LRRC4C: variants seen among roughly 807,000 people sequenced by gnomAD.
LRRC4C encodes leucine-rich repeat-containing protein 4C.
LRRC4C carries 5 observed loss-of-function variants against 33.6 expected under a neutral mutation model. That is an observed-to-expected ratio of 0.15 (90% CI 0.08 to 0.31). LRRC4C has a LOEUF of 0.31. LRRC4C is among the 10% of genes least tolerant of loss of function. The probability of loss-of-function intolerance (pLI) is 1.00; values close to 1 mark genes in which losing one functional copy is unlikely to be tolerated. For synonymous variants in LRRC4C, 329 were observed against 302.0 expected (o/e 1.09, Z -0.93); for missense variants, 560 against 796.7 (o/e 0.70, Z 3.58).
At chr11:41,376,665 T>C (rs1952946207) in intron 1 of LRRC4C, among the ~76,000 whole-genome samples, 1 of 152,158 alleles carries the variant, frequency 6.6e-6, no homozygotes, top group South Asian at 2.1e-4. Flanking sequence ...ATGTTTAAGA[T>C]GTAGATACTG....
intron 1 of LRRC4C, among the ~76,000 whole-genome samples, chr11:41,438,453 G>A (rs936608044): frequency 9.2e-5 from 14 of 152,162 alleles, no homozygotes; most frequent in African/African-American, 3.4e-4. Context: ...TGACCTTGTA[G>A]AAAGTCCTAG....
chr11:41,414,828 A>T (rs939243725), intron 1 of LRRC4C, among the ~76,000 whole-genome samples: 9 of 152,080 alleles, frequency 5.9e-5, no homozygotes, highest in African/African-American at 2.2e-4. Flanking sequence ...GTACTCTAAA[A>T]AAAGAAAAAG....
At chr11:40,116,461 C>A in intron 6 of LRRC4C, 127 bp from the exon 7 acceptor site, 2 of 975,224 alleles carry the variant, frequency 2.1e-6, no homozygotes, top group Non-Finnish European at 1.5e-6. Flanking sequence ...AAAAACAAAT[C>A]TAATATCCTT....
chr11:41,027,055 G>A (rs907184173), intron 1 of LRRC4C, among the ~76,000 whole-genome samples: 3 of 151,448 alleles, frequency 2.0e-5, no homozygotes, highest in Admixed American at 1.3e-4. Context: ...GCACATGAAG[G>A]CACTCAGTAA....
At chr11:40,117,713 G>A (rs1010277684) in intron 6 of LRRC4C, among the ~76,000 whole-genome samples, 3 of 151,618 alleles carry the variant, frequency 2.0e-5, no homozygotes, top group African/African-American at 7.3e-5. Context: ...AAAAAGGGGA[G>A]GGGGGCCAGT....
chr11:40,780,086 T>C (rs1457141447), intron 2 of LRRC4C, among the ~76,000 whole-genome samples: 1 of 152,164 alleles, frequency 6.6e-6, no homozygotes, highest in Non-Finnish European at 1.5e-5. Flanking sequence ...GCCTACAATC[T>C]AGTTCTAGTA....
At chr11:41,193,686 T>C (rs956078017) in intron 1 of LRRC4C, among the ~76,000 whole-genome samples, 1 of 152,048 alleles carries the variant, frequency 6.6e-6, no homozygotes, top group Non-Finnish European at 1.5e-5. Flanking sequence ...GACATCTTAA[T>C]GGAGATGAGT....
chr11:41,055,962 A>G (rs1029661350), intron 1 of LRRC4C, among the ~76,000 whole-genome samples: 4 of 152,198 alleles, frequency 2.6e-5, no homozygotes, highest in Non-Finnish European at 5.9e-5. Context: ...CTTTTAATGC[A>G]TATTTTCTTT....
At chr11:40,889,257 T>C (rs907980201) in intron 2 of LRRC4C, among the ~76,000 whole-genome samples, 1 of 152,110 alleles carries the variant, frequency 6.6e-6, no homozygotes, top group Admixed American at 6.5e-5. Context: ...AAATTTCCTG[T>C]CAAGGAAAGA....
intron 5 of LRRC4C, among the ~76,000 whole-genome samples, chr11:40,236,361 T>G (rs1865557601): frequency 6.6e-6 from 1 of 152,200 alleles, no homozygotes; most frequent in South Asian, 2.1e-4. Flanking sequence ...TAATTATTAT[T>G]TTCCTCATAT....
At chr11:40,963,921 T>C (rs927822083) in intron 1 of LRRC4C, among the ~76,000 whole-genome samples, 1 of 151,782 alleles carries the variant, frequency 6.6e-6, no homozygotes, top group African/African-American at 2.4e-5. Context: ...ATGCCAATAT[T>C]TGGGCAATCT....
chr11:40,277,268 C>G (rs1200336227), intron 4 of LRRC4C, among the ~76,000 whole-genome samples: 3 of 152,128 alleles, frequency 2.0e-5, no homozygotes, highest in African/African-American at 7.2e-5. Context: ...CATAAGAAAA[C>G]AGTAAGGCCT....
chr11:40,271,006 A>C (rs565418297), intron 4 of LRRC4C, among the ~76,000 whole-genome samples: 1 of 152,312 alleles, frequency 6.6e-6, no homozygotes, highest in African/African-American at 2.4e-5. Context: ...CTACTAAAGC[A>C]GGGTGTTGCC....
chr11:40,442,505 AGAGATAAGAATCAAATACAAT>A (rs1951443140), intron 3 of LRRC4C, among the ~76,000 whole-genome samples: 1 of 152,198 alleles, frequency 6.6e-6, no homozygotes, highest in Non-Finnish European at 1.5e-5. Flanking sequence ...ATGCTAGGAT[AGAGATAAGAATCAAATACAAT>A]GGAACCAGAG....
chr11:40,908,135 T>C lies in LRRC4C; in HGVS notation c.-407+25500A>G, dbSNP rs73484710. Among the ~76,000 whole-genome samples the C allele has an allele frequency of 1.0e-2, 1,518 of 152,246 alleles. 37 individuals carry two copies. Among genetic ancestry groups the C allele is most frequent in the African/African-American group, 0.035 (1,448 of 41,552 alleles). The stretch of plus-strand genomic sequence containing the variant: ...TGTTGGATGTTTCTCCTTAGTACTT[T>C]ATATAAAGATTTGTAGAATCTACGT... On this transcript the variant is annotated intron_variant, in intron 2 of 6. Transcript: ENST00000528697.
chr11:40,791,576 GA>G (rs1350038063), intron 2 of LRRC4C, among the ~76,000 whole-genome samples: 1 of 152,194 alleles, frequency 6.6e-6, no homozygotes, highest in Non-Finnish European at 1.5e-5. Flanking sequence ...AGGACAAAGA[GA>G]GGGGTTAGGT....
intron 2 of LRRC4C, among the ~76,000 whole-genome samples, chr11:40,851,614 T>TA (rs1953501723): frequency 6.6e-6 from 1 of 151,860 alleles, no homozygotes; most frequent in South Asian, 2.1e-4. Context: ...TTTTTTAATT[T>TA]AAAAAACAAA....
At chr11:40,477,685 C>T (rs1953311582) in intron 3 of LRRC4C, among the ~76,000 whole-genome samples, 1 of 151,956 alleles carries the variant, frequency 6.6e-6, no homozygotes, top group South Asian at 2.1e-4. Context: ...TCTGAGAGTT[C>T]ATCTAACAAT....
intron 5 of LRRC4C, among the ~76,000 whole-genome samples, chr11:40,237,964 T>A (rs1391136334): frequency 6.6e-6 from 1 of 152,182 alleles, no homozygotes; most frequent in East Asian, 1.9e-4. Context: ...CAGAGTCACA[T>A]AGACTTAAAT....
Sources: gnomAD v4.1 joint callset for allele counts (sites outside exome capture counted in the v4.1 genomes callset) on GRCh38, gnomAD v4.1.1 for gene constraint, MANE v1.5 for transcripts, NCBI Gene and HGNC (gene_info 2026-07-23, HGNC 2026-07-21) for gene names.